The following CCBE1 variants were observed in gnomAD, a reference collection of about 807,000 sequenced individuals.
CCBE1 encodes collagen and calcium-binding EGF domain-containing protein 1.
A neutral mutation model predicts 50.0 loss-of-function variants in CCBE1; 37 were observed. The observed-to-expected ratio is 0.74, with a 90% CI of 0.57 to 0.97. The LOEUF (loss-of-function observed/expected upper bound fraction) is 0.97, where lower values mean the gene tolerates loss of function less well. Ranked by LOEUF, CCBE1 falls within the 50% of genes least tolerant of loss-of-function variation. The pLI is 0.00. For missense variants in CCBE1, 538 were observed against 523.8 expected (o/e 1.03, Z -0.26); for synonymous variants, 234 against 203.7 (o/e 1.15, Z -1.27).
chr18:59,458,127 TCC>T (rs1911283110), intron 5 of CCBE1, among the ~76,000 whole-genome samples: 1 of 150,046 alleles, frequency 6.7e-6, no homozygotes, highest in Non-Finnish European at 1.5e-5. Context: ...CATCAATCCA[TCC>T]ATCCATCCAT....
chr18:59,495,410 T>TTTTTTC (rs149062893), intron 2 of CCBE1, among the ~76,000 whole-genome samples: 1 of 144,946 alleles, frequency 6.9e-6, no homozygotes, highest in Non-Finnish European at 1.5e-5. Flanking sequence ...TTTTTTTTTT[T>TTTTTTC]CCAGAGCGGG....
chr18:59,484,972 G>C (rs1912746420), intron 2 of CCBE1, among the ~76,000 whole-genome samples: 1 of 152,188 alleles, frequency 6.6e-6, no homozygotes, highest in Non-Finnish European at 1.5e-5. Context: ...GTGAAATCTT[G>C]TTACGCAAGC....
At chr18:59,519,683 C>T (rs1914517190) in intron 2 of CCBE1, among the ~76,000 whole-genome samples, 2 of 152,052 alleles carry the variant, frequency 1.3e-5, no homozygotes, top group Admixed American at 1.3e-4. Flanking sequence ...TAATTAGATC[C>T]CATTTGTCAA....
intron 2 of CCBE1, among the ~76,000 whole-genome samples, chr18:59,488,896 A>C (rs1912956772): frequency 6.6e-6 from 1 of 152,074 alleles, no homozygotes; most frequent in Non-Finnish European, 1.5e-5. Flanking sequence ...AGCCCACCTG[A>C]AAGACACTGA....
chr18:59,506,797 A>T (rs1015195817), intron 2 of CCBE1, among the ~76,000 whole-genome samples: 1 of 152,214 alleles, frequency 6.6e-6, no homozygotes, highest in African/African-American at 2.4e-5. Context: ...GGAGCAAACA[A>T]AAGATTAAAT....
At chr18:59,621,683 G>A (rs1336697680) in intron 2 of CCBE1, among the ~76,000 whole-genome samples, 1 of 152,166 alleles carries the variant, frequency 6.6e-6, no homozygotes, top group African/African-American at 2.4e-5. Flanking sequence ...TCAGTAGTAA[G>A]CAAACTCATA....
chr18:59,480,217 A>G lies in CCBE1; in HGVS notation c.234T>C (p.Tyr78=). 3 of 1,598,680 alleles carry G rather than the reference A, an allele frequency of 1.9e-6. No individual in the cohort carries two copies. Among genetic ancestry groups the G allele is most frequent in the Non-Finnish European group, 2.6e-6 (3 of 1,166,384 alleles). ...GGATGCATTGTCCAAGAACAAATTT[A>G]TATCCTTTGCAGCACTTTTTCCTAA... The part of the protein sequence containing the change: ...TCYRKKCCKG[Y]KFVLGQCIPE... Residue 78 remains tyrosine (Y), a synonymous_variant, in exon 3 of 11, where the codon TAT becomes TAC. Transcript: ENST00000439986.
At chr18:59,506,519 G>T (rs78242645) in intron 2 of CCBE1, among the ~76,000 whole-genome samples, 4,442 of 152,340 alleles carry the variant, frequency 0.029, 131 homozygotes, top group South Asian at 0.1. Context: ...ACACTGTGCT[G>T]GGCAGACCAC....
At chr18:59,482,404 A>T (rs1374104074) in intron 2 of CCBE1, among the ~76,000 whole-genome samples, 1 of 152,248 alleles carries the variant, frequency 6.6e-6, no homozygotes, top group South Asian at 2.1e-4. Flanking sequence ...TCAGGGATCT[A>T]GAACCAGAAA....
chr18:59,621,771 T>C (rs1188229988), intron 2 of CCBE1, among the ~76,000 whole-genome samples: 1 of 152,230 alleles, frequency 6.6e-6, no homozygotes, highest in Admixed American at 6.5e-5. Context: ...GGAAGGCCTA[T>C]TTTCTTTAGT....
intron 2 of CCBE1, among the ~76,000 whole-genome samples, chr18:59,657,227 A>T (rs889868143): frequency 1.3e-5 from 2 of 152,258 alleles, no homozygotes; most frequent in African/African-American, 4.8e-5. Flanking sequence ...CCTAGGACAG[A>T]TGTGTGCGAG....
At chr18:59,613,685 G>A (rs1374084115) in intron 2 of CCBE1, among the ~76,000 whole-genome samples, 1 of 151,746 alleles carries the variant, frequency 6.6e-6, no homozygotes, top group East Asian at 1.9e-4. Flanking sequence ...GATCACTTGA[G>A]CCCAGAAGTT....
chr18:59,491,680 G>A (rs1471930119), intron 2 of CCBE1, among the ~76,000 whole-genome samples: 1 of 151,846 alleles, frequency 6.6e-6, no homozygotes, highest in Non-Finnish European at 1.5e-5. Flanking sequence ...TGGGTGTGGT[G>A]GCATGTGCCT....
At chr18:59,457,121 G>C (rs1221693298) in intron 5 of CCBE1, among the ~76,000 whole-genome samples, 4 of 152,202 alleles carry the variant, frequency 2.6e-5, no homozygotes, top group South Asian at 4.1e-4. Context: ...TGCAAAAGTG[G>C]CAGTTTTTAA....
intron 2 of CCBE1, among the ~76,000 whole-genome samples, chr18:59,684,548 C>A (rs2054632979): frequency 6.6e-6 from 1 of 152,214 alleles, no homozygotes; most frequent in African/African-American, 2.4e-5. Context: ...CACTTATGAA[C>A]CACTTTGTGT....
intron 2 of CCBE1, among the ~76,000 whole-genome samples, chr18:59,633,828 A>C (rs2053883187): frequency 6.6e-6 from 1 of 152,194 alleles, no homozygotes; most frequent in South Asian, 2.1e-4. Context: ...ATGGCACCCA[A>C]ACATAAGTGA....
intron 5 of CCBE1, among the ~76,000 whole-genome samples, chr18:59,460,380 G>C (rs923041936): frequency 6.6e-6 from 1 of 152,146 alleles, no homozygotes; most frequent in Non-Finnish European, 1.5e-5. Context: ...ATCACATGTG[G>C]TTATACTCAA....
chr18:59,662,858 G>A (rs2054303528), intron 2 of CCBE1, among the ~76,000 whole-genome samples: 1 of 152,180 alleles, frequency 6.6e-6, no homozygotes, highest in African/African-American at 2.4e-5. Context: ...TACACCTGTA[G>A]TCCCAGCTAC....
At chr18:59,459,542 T>C (rs1911360459) in intron 5 of CCBE1, among the ~76,000 whole-genome samples, 2 of 152,178 alleles carry the variant, frequency 1.3e-5, no homozygotes, top group South Asian at 4.1e-4. Context: ...TGCAATATTA[T>C]TGATTAGCCA....
Sources: allele counts gnomAD v4.1 joint callset (sites outside exome capture counted in the v4.1 genomes callset), GRCh38; gene constraint gnomAD v4.1.1; transcripts MANE v1.5; gene names NCBI Gene and HGNC (gene_info 2026-07-23, HGNC 2026-07-21).